GPC6: variants seen among roughly 807,000 people sequenced by gnomAD.
GPC6 encodes the protein glypican-6.
Under a neutral mutation model 55.2 loss-of-function variants are expected in GPC6, and 14 were observed. The observed-to-expected ratio is 0.25, with a 90% confidence interval of 0.17 to 0.40. GPC6 has a LOEUF of 0.40. Among genes scored for constraint, GPC6 ranks in the 10% least tolerant of loss-of-function variants. GPC6 has a pLI of 1.00. For synonymous variants in GPC6, 278 were observed against 259.6 expected (o/e 1.07, Z -0.68); for missense variants, 641 against 708.5 (o/e 0.90, Z 1.08).
chr13:93,341,335 T>C (rs1308750014), intron 1 of GPC6, among the ~76,000 whole-genome samples: 1 of 152,228 alleles, frequency 6.6e-6, no homozygotes, highest in Non-Finnish European at 1.5e-5. Flanking sequence ...CTGTTTTCCA[T>C]AGTGGTTGTA....
intron 2 of GPC6, among the ~76,000 whole-genome samples, chr13:93,606,731 A>G (rs1878252798): frequency 6.6e-6 from 1 of 152,212 alleles, no homozygotes; most frequent in Admixed American, 6.5e-5. Context: ...ACATCATTAC[A>G]TCTATAATAT....
chr13:94,300,457 C>G (rs2139104251), intron 5 of GPC6, among the ~76,000 whole-genome samples: 1 of 152,280 alleles, frequency 6.6e-6, no homozygotes, highest in South Asian at 2.1e-4. Context: ...CCCATCCCTC[C>G]AGAATTATAA....
intron 6 of GPC6, among the ~76,000 whole-genome samples, chr13:94,327,573 G>A (rs778667208): frequency 8.5e-5 from 13 of 152,196 alleles, no homozygotes; most frequent in Non-Finnish European, 1.6e-4. Context: ...GCACTTGGAG[G>A]AATGTCTGCT....
intron 2 of GPC6, among the ~76,000 whole-genome samples, chr13:93,753,037 A>C (rs1004656520): frequency 5.3e-5 from 8 of 152,318 alleles, no homozygotes; most frequent in African/African-American, 1.9e-4. Context: ...GTTTTAAGCT[A>C]CTGAAAGAGC....
At chr13:93,486,275 T>A (rs1444961530) in intron 1 of GPC6, among the ~76,000 whole-genome samples, 2 of 152,146 alleles carry the variant, frequency 1.3e-5, no homozygotes, top group African/African-American at 4.8e-5. Context: ...TGAAGGTAGA[T>A]TATATTCTGA....
At chr13:94,373,586 G>A (rs2139196071) in intron 6 of GPC6, among the ~76,000 whole-genome samples, 1 of 152,250 alleles carries the variant, frequency 6.6e-6, no homozygotes, top group Non-Finnish European at 1.5e-5. Flanking sequence ...ATCTACGTCT[G>A]ATTGGCGTAC....
At chr13:93,610,849 A>G (rs549935350) in intron 2 of GPC6, among the ~76,000 whole-genome samples, 1 of 152,218 alleles carries the variant, frequency 6.6e-6, no homozygotes, top group South Asian at 2.1e-4. Context: ...TGACACACCA[A>G]TTCACTGAGA....
At chr13:93,852,177 A>T (rs940004777) in intron 3 of GPC6, among the ~76,000 whole-genome samples, 1 of 151,600 alleles carries the variant, frequency 6.6e-6, no homozygotes, top group African/African-American at 2.4e-5. Flanking sequence ...CTTTATATCT[A>T]CTCTAGTCTC....
intron 1 of GPC6, among the ~76,000 whole-genome samples, chr13:93,423,381 G>A (rs951546268): frequency 9.2e-5 from 14 of 152,210 alleles, no homozygotes; most frequent in African/African-American, 3.4e-4. Context: ...AAAGTCAAAT[G>A]TCCCTGAATA....
chr13:94,184,513 A>G (rs1889105955), intron 4 of GPC6, among the ~76,000 whole-genome samples: 1 of 152,210 alleles, frequency 6.6e-6, no homozygotes, highest in African/African-American at 2.4e-5. Flanking sequence ...GAAGACGTAC[A>G]CACAACCAAC....
At chr13:93,222,070 TCA>T (rs1875641878), upstream of GPC6, among the ~76,000 whole-genome samples, 1 of 152,222 alleles carries the variant, frequency 6.6e-6, no homozygotes, top group Non-Finnish European at 1.5e-5. Context: ...ATTTCATACT[TCA>T]GAGTTATTAT....
At chr13:93,750,952 C>G (rs1210132415) in intron 2 of GPC6, among the ~76,000 whole-genome samples, 2 of 152,102 alleles carry the variant, frequency 1.3e-5, no homozygotes, top group African/African-American at 4.8e-5. Context: ...AGGTCTCTGT[C>G]TACATTCACT....
chr13:94,012,514 C>T (rs996095374), intron 3 of GPC6, among the ~76,000 whole-genome samples: 2 of 152,118 alleles, frequency 1.3e-5, no homozygotes, highest in Admixed American at 6.5e-5. Flanking sequence ...ATTGATTAAT[C>T]GATCGATTGA....
intron 3 of GPC6, among the ~76,000 whole-genome samples, chr13:93,951,732 TA>T (rs1240324211): frequency 6.6e-6 from 1 of 152,128 alleles, no homozygotes. Flanking sequence ...CGTTAGGTAA[TA>T]ATCTCTCTAA....
At chr13:93,661,526 A>C (rs145252282) in intron 2 of GPC6, among the ~76,000 whole-genome samples, 45 of 152,000 alleles carry the variant, frequency 3.0e-4, no homozygotes, top group African/African-American at 1.0e-3. Flanking sequence ...CTTTTTATCA[A>C]CTCTCTTTGA....
intron 2 of GPC6, among the ~76,000 whole-genome samples, chr13:93,667,545 G>A (rs1471319963): frequency 1.3e-5 from 2 of 151,524 alleles, no homozygotes; most frequent in Non-Finnish European, 2.9e-5. Flanking sequence ...TGATTCTCCT[G>A]CCTTAGCCTC....
chr13:93,941,897 C>T (rs982671091), intron 3 of GPC6, among the ~76,000 whole-genome samples: 11 of 152,286 alleles, frequency 7.2e-5, no homozygotes, highest in African/African-American at 2.6e-4. Context: ...ATATACGTAA[C>T]TTTCCTATGG....
In GPC6 at chr13:93,439,704, TAAAATA is replaced by T. The variant is rs1229850325; in HGVS notation, c.161-105555_161-105550del. ...AATAAAATAAATAAAAAAAATAAAA[TAAAATA>T]AAATAAAATAAAACACCAAGCTTCG... On this transcript the variant is annotated intron_variant, in intron 1 of 8. Coordinates refer to ENST00000377047, the MANE Select transcript of GPC6 (RefSeq NM_005708.5). 8.8e-4 allele frequency among the ~76,000 whole-genome samples: 132 copies of T among 149,228 alleles called. 1 individual carries two copies. The highest frequency in any genetic ancestry group is 9.4e-4 in the Non-Finnish European group (64 of 67,802).
chr13:94,252,634 C>T (rs990655453), intron 4 of GPC6, among the ~76,000 whole-genome samples: 1 of 152,036 alleles, frequency 6.6e-6, no homozygotes, highest in African/African-American at 2.4e-5. Context: ...AAAGTTGTCT[C>T]TTAGTGTGTG....
Sources: gnomAD v4.1 joint callset for allele counts (sites outside exome capture counted in the v4.1 genomes callset) on GRCh38, gnomAD v4.1.1 for gene constraint, MANE v1.5 for transcripts, NCBI Gene and HGNC (gene_info 2026-07-23, HGNC 2026-07-21) for gene names.